FRMD8: variants seen among roughly 807,000 people sequenced by gnomAD.
FRMD8 encodes the protein FERM domain containing 8, also known as FERM domain-containing protein 8.
Under a neutral mutation model 54.2 loss-of-function variants are expected in FRMD8, and 37 were observed. The ratio of observed to expected loss-of-function variants is 0.68; its 90% confidence interval spans 0.53 to 0.90. FRMD8 has a LOEUF of 0.90. FRMD8 is among the 40% of genes least tolerant of loss of function. The pLI is 0.00. For missense variants in FRMD8, 585 were observed against 653.7 expected (o/e 0.89, Z 1.15); for synonymous variants, 246 against 286.9 (o/e 0.86, Z 1.44).
At chr11:65,384,718 T>C (rs564060004), upstream of FRMD8, among the ~76,000 whole-genome samples, 9 of 152,308 alleles carry the variant, frequency 5.9e-5, 1 homozygote, top group Admixed American at 3.3e-4. Flanking sequence ...TTTTATTTAT[T>C]TTTTTGGAGA....
rs895407697 is a variant in FRMD8, at chr11:65,395,246, T to TA, written c.581+835dup. Among the ~76,000 whole-genome samples the TA allele has an allele frequency of 8.5e-3, 1,177 of 138,504 alleles. 13 individuals carry two copies. Among genetic ancestry groups the TA allele is most frequent in the African/African-American group, 0.026 (975 of 37,446 alleles). 90.9% of individuals were successfully genotyped at this position (138,504 alleles called of 152,430 possible). On this transcript the variant is annotated intron_variant, in intron 6 of 10. Transcript: ENST00000317568. Reference sequence around the variant, plus strand: ...TGGGTGACAGAGTGAGACTCTGTCTTAAAAAAAAAAAAAATGCCGGGTGCG... The same window carrying TA: ...TGGGTGACAGAGTGAGACTCTGTCTTAAAAAAAAAAAAAAATGCCGGGTGCG...
Position 65,386,746 on chromosome 11 carries a change from T to G in FRMD8, c.-16T>G, listed in dbSNP as rs2137852780. ...GAGCCTTGCCTCTCAGGTGGCGGGC[T>G]CTGCGACCCTGCGAGGTGAGAGCAC... On this transcript the variant is annotated 5_prime_UTR_variant, in exon 1 of 11. Transcript: ENST00000317568. The G allele has an allele frequency of 2.3e-6, 1 of 425,974 alleles. No individual in the cohort carries two copies. The highest frequency in any genetic ancestry group is 4.2e-6 in the Non-Finnish European group (1 of 239,298). The allele number at this position is 425,974 out of a possible 1,614,324, so 26.4% of individuals were successfully genotyped here.
Position 65,394,322 on chromosome 11 carries a change from C to T in FRMD8, c.478C>T (p.Arg160Trp), listed in dbSNP as rs201583477. ...GGCCAAGGGCAACGTGCTGGCTGCACGGTACCCGTGCGACGTGGAGGACTG... is the reference window on the plus strand; with the variant it reads ...GGCCAAGGGCAACGTGCTGGCTGCATGGTACCCGTGCGACGTGGAGGACTG... ...EEAKGNVLAA[R>W]YPCDVEDCEA... Residue 160 changes from arginine (R) to tryptophan (W), a missense_variant, in exon 6 of 11, where the codon CGG (arginine) becomes TGG (tryptophan). Physicochemically the swap from Arg to Trp is moderately radical, Grantham distance 101. Coordinates refer to ENST00000317568, the MANE Select transcript of FRMD8 (RefSeq NM_031904.5). 6.7e-5 allele frequency: 106 copies of T among 1,587,178 alleles called. No homozygotes were observed. In the Middle Eastern group the frequency reaches 1.2e-3, roughly 17 times the overall value.
the FRMD8 span, among the ~76,000 whole-genome samples, chr11:65,372,332 C>A: frequency 6.6e-6 from 1 of 152,148 alleles, no homozygotes; most frequent in Non-Finnish European, 1.5e-5. Flanking sequence ...TATTTGCTCA[C>A]TAATCACACC....
chr11:65,403,463 G>A (rs1356774668), intron 9 of FRMD8, among the ~76,000 whole-genome samples: 1 of 152,250 alleles, frequency 6.6e-6, no homozygotes, highest in Admixed American at 6.5e-5. Context: ...GATTACAGGC[G>A]TGAGCCACGG....
At position 65,412,765 on chromosome 11, in the gene FRMD8, G is replaced by C. The variant is rs1486965760; in HGVS notation, c.*1405G>C. ...CTTGTGAATGTGCCAGGTGTTTCGA[G>C]GTAGGCTTGCCTTCTGGCAGCATGG... On this transcript the variant is annotated 3_prime_UTR_variant, in exon 11 of 11. Coordinates refer to ENST00000317568, the MANE Select transcript of FRMD8 (RefSeq NM_031904.5). The C allele has an allele frequency of 1.3e-5, 2 of 152,248 alleles. No individual in the cohort carries two copies. The highest frequency in any genetic ancestry group is 2.9e-5 in the Non-Finnish European group (2 of 68,064). 9.4% of individuals were successfully genotyped at this position (152,248 alleles called of 1,614,324 possible).
chr11:65,382,109 A>T, upstream of FRMD8: 2 of 685,600 alleles, frequency 2.9e-6, no homozygotes, highest in Non-Finnish European at 5.2e-6. This position sits in a 1 kb window ranked among gnomAD's most constrained non-coding sequence, Gnocchi z 4.4. Context: ...CAACTGGCAG[A>T]GGAGAGCGAG....
At chr11:65,403,576 C>T (rs1250935725) in intron 9 of FRMD8, among the ~76,000 whole-genome samples, 1 of 152,188 alleles carries the variant, frequency 6.6e-6, no homozygotes, top group South Asian at 2.1e-4. Context: ...GCTTGCCTTG[C>T]CTGACAGTGC....
chr11:65,409,757 C>T (rs1041884521), intron 10 of FRMD8, among the ~76,000 whole-genome samples: 3 of 150,360 alleles, frequency 2.0e-5, no homozygotes, highest in African/African-American at 4.9e-5. Flanking sequence ...CAGAGTGAGA[C>T]CCTGTCGCAA....
intron 3 of FRMD8, among the ~76,000 whole-genome samples, chr11:65,392,345 G>C (rs759189058): frequency 1.3e-5 from 2 of 152,290 alleles, no homozygotes; most frequent in East Asian, 3.9e-4. Flanking sequence ...CAGGAGGGGC[G>C]ATTGGCCATC....
Position 65,405,841 on chromosome 11 carries a change from ATATACT to A in FRMD8, c.1276+776_1276+781del, listed in dbSNP as rs569769020. On this transcript the variant is annotated intron_variant, in intron 10 of 10. Transcript: ENST00000317568. ...CAGAGTGAGACCCTGTCTCTACAAA[ATATACT>A]TAAACTTAGCTGAGCACGGTGGTAT... 6.9e-4 allele frequency among the ~76,000 whole-genome samples: 105 copies of A among 152,030 alleles called. 2 individuals are homozygous for A. Among genetic ancestry groups the A allele is most frequent in the Admixed American group, 6.3e-3 (96 of 15,270 alleles).
intron 3 of FRMD8, among the ~76,000 whole-genome samples, chr11:65,390,286 T>C (rs1855817576): frequency 6.6e-6 from 1 of 152,158 alleles, no homozygotes. Context: ...CTGAGCCTGC[T>C]GGTTCGCACA....
At chr11:65,401,949 C>G (rs916823826) in intron 9 of FRMD8, among the ~76,000 whole-genome samples, 2 of 151,704 alleles carry the variant, frequency 1.3e-5, no homozygotes, top group Non-Finnish European at 2.9e-5. Flanking sequence ...AAATTTAAGC[C>G]TCCCAGCCAT....
rs1855741501 is a variant in FRMD8, at chr11:65,386,823, G to A, written c.-1+62G>A. On this transcript the variant is annotated intron_variant, in intron 1 of 10. Coordinates refer to ENST00000317568, the MANE Select transcript of FRMD8 (RefSeq NM_031904.5). ...CCCGGCTGGGCGTGCGCCTTGCCCTGCCTGGGCATCCAGGTCGACCCCCGG... is the reference window on the plus strand; with the variant it reads ...CCCGGCTGGGCGTGCGCCTTGCCCTACCTGGGCATCCAGGTCGACCCCCGG... 4 of 567,976 alleles carry A rather than the reference G, an allele frequency of 7.0e-6. No homozygotes were observed. In the South Asian group the frequency reaches 8.8e-5, roughly 12 times the overall value. 35.2% of individuals were successfully genotyped at this position (567,976 alleles called of 1,614,324 possible).
At chr11:65,391,339 G>A (rs534004845) in intron 3 of FRMD8, among the ~76,000 whole-genome samples, 5 of 152,230 alleles carry the variant, frequency 3.3e-5, no homozygotes, top group South Asian at 4.1e-4. Context: ...GGGCTGGGCT[G>A]TAGGCAGCAG....
chr11:65,371,246 G>A, the FRMD8 span, among the ~76,000 whole-genome samples: 4 of 152,026 alleles, frequency 2.6e-5, no homozygotes, highest in Non-Finnish European at 2.9e-5. Context: ...CTTTCCCTGC[G>A]CATGTAGCTT....
At chr11:65,390,538 C>T (rs1051544861) in intron 3 of FRMD8, among the ~76,000 whole-genome samples, 1 of 152,024 alleles carries the variant, frequency 6.6e-6, no homozygotes, top group Non-Finnish European at 1.5e-5. Context: ...CCCTGCTCCC[C>T]ACCCTCATCC....
intron 6 of FRMD8, among the ~76,000 whole-genome samples, chr11:65,394,728 A>G (rs563421383): frequency 6.6e-6 from 1 of 152,310 alleles, no homozygotes; most frequent in South Asian, 2.1e-4. Flanking sequence ...GACCACCCAG[A>G]TACTGACCCT....
the FRMD8 span, chr11:65,376,975 G>A: frequency 1.7e-5 from 27 of 1,613,226 alleles, no homozygotes; most frequent in South Asian, 8.8e-5. Context: ...CACAGTGCAC[G>A]GGCCCCTGGT....
Sources: gnomAD v4.1 joint callset for allele counts (sites outside exome capture counted in the v4.1 genomes callset) on GRCh38, gnomAD v4.1.1 for gene constraint, Gnocchi (gnomAD v3.1) non-coding constraint, MANE v1.5 for transcripts, NCBI Gene and HGNC (gene_info 2026-07-23, HGNC 2026-07-21) for gene names.